Variants in LRRC37A2 observed in about 807,000 individuals in gnomAD.
The protein encoded by LRRC37A2 is leucine rich repeat containing 37 member A2.
Under a neutral mutation model 68.8 loss-of-function variants are expected in LRRC37A2, and 9 were observed. The ratio of observed to expected loss-of-function variants is 0.13; its 90% CI spans 0.08 to 0.23. The LOEUF (loss-of-function observed/expected upper bound fraction) is 0.23. LRRC37A2 is among the 10% of genes least tolerant of loss of function. The probability of loss-of-function intolerance (pLI) is 1.00; values close to 1 mark genes in which losing one functional copy is unlikely to be tolerated. For missense variants in LRRC37A2, 168 were observed against 950.4 expected, an observed-to-expected ratio of 0.18 and a Z score of 10.82; for synonymous variants, 63 against 367.6, an observed-to-expected ratio of 0.17 and a Z score of 9.48.
At chr17:46,944,702 C>T in the LRRC37A2 span, among the ~76,000 whole-genome samples, 3 of 151,596 alleles carry the variant, frequency 2.0e-5, no homozygotes, top group Non-Finnish European at 4.4e-5. Flanking sequence ...TGGGTTCAAG[C>T]GATTCTCCTG....
chr17:46,905,778 GTT>G, the LRRC37A2 span, among the ~76,000 whole-genome samples: 3 of 119,410 alleles, frequency 2.5e-5, no homozygotes, highest in Non-Finnish European at 3.7e-5. Context: ...TACTCTGTGT[GTT>G]TGTGTGTGTG....
chr17:46,758,435 G>A, the LRRC37A2 span, among the ~76,000 whole-genome samples: 1 of 152,244 alleles, frequency 6.6e-6, no homozygotes. Context: ...GAGCGTATGA[G>A]ATTACAGAAC....
the LRRC37A2 span, among the ~76,000 whole-genome samples, chr17:46,799,694 C>T: frequency 6.6e-6 from 1 of 152,280 alleles, no homozygotes; most frequent in African/African-American, 2.4e-5. Flanking sequence ...ATGATCTGTC[C>T]GCCTTGGCCT....
the LRRC37A2 span, among the ~76,000 whole-genome samples, chr17:46,959,702 T>C: frequency 6.6e-6 from 1 of 152,200 alleles, no homozygotes; most frequent in Non-Finnish European, 1.5e-5. Context: ...AGGACATTTC[T>C]TGAGCATTTT....
At chr17:47,032,946 G>A in the LRRC37A2 span, among the ~76,000 whole-genome samples, 1 of 152,144 alleles carries the variant, frequency 6.6e-6, no homozygotes, top group Non-Finnish European at 1.5e-5. Flanking sequence ...AGCTGGGCAT[G>A]GTGGCTCATG....
the LRRC37A2 span, among the ~76,000 whole-genome samples, chr17:46,727,302 A>G: frequency 7.9e-5 from 12 of 152,372 alleles, no homozygotes; most frequent in African/African-American, 2.9e-4. Context: ...AGGAAGGGCC[A>G]GAAAGTTGTT....
the LRRC37A2 span, among the ~76,000 whole-genome samples, chr17:47,011,881 C>A: frequency 6.6e-6 from 1 of 152,196 alleles, no homozygotes; most frequent in African/African-American, 2.4e-5. Context: ...TGGGGGCACA[C>A]ACTCTCTCTC....
At chr17:46,922,441 C>T in the LRRC37A2 span, among the ~76,000 whole-genome samples, 1 of 151,890 alleles carries the variant, frequency 6.6e-6, no homozygotes, top group Non-Finnish European at 1.5e-5. Flanking sequence ...ATGTAACAAC[C>T]CTGCACGTTG....
chr17:46,998,873 C>T, the LRRC37A2 span: 1 of 152,130 alleles, frequency 6.6e-6, no homozygotes, highest in Admixed American at 6.6e-5. Context: ...CCCCTCAATT[C>T]CTTGTTGCTG....
the LRRC37A2 span, among the ~76,000 whole-genome samples, chr17:46,736,046 T>C: frequency 1.3e-5 from 2 of 152,178 alleles, no homozygotes; most frequent in Non-Finnish European, 2.9e-5. Context: ...GAAGTTTCCA[T>C]AGGAAGTGAG....
chr17:46,512,112 C>CT (rs2050980306), intron 1 of LRRC37A2, among the ~76,000 whole-genome samples: 1 of 78,844 alleles, frequency 1.3e-5, no homozygotes. Flanking sequence ...AAGGGCTCTT[C>CT]ACTCGGATTA....
the LRRC37A2 span, chr17:46,713,941 A>C: frequency 6.2e-7 from 1 of 1,607,986 alleles, no homozygotes; most frequent in Non-Finnish European, 8.5e-7. Flanking sequence ...CTCCTGATAA[A>C]ATGATTGGCT....
At chr17:46,910,289 G>C in the LRRC37A2 span, 3 of 152,180 alleles carry the variant, frequency 2.0e-5, no homozygotes, top group Non-Finnish European at 4.4e-5. Flanking sequence ...GCATGCTCAG[G>C]GCAAGTCCTG....
the LRRC37A2 span, among the ~76,000 whole-genome samples, chr17:46,989,964 ATAAT>A: frequency 6.6e-6 from 1 of 152,272 alleles, no homozygotes. Flanking sequence ...ATCATGAGAA[ATAAT>A]TAAATGGTTA....
the LRRC37A2 span, chr17:46,773,630 A>AAC: frequency 3.4e-5 from 5 of 149,010 alleles, no homozygotes; most frequent in South Asian, 7.6e-5. Flanking sequence ...CCCTCCCCCC[A>AAC]CCCAGCCCCT....
At chr17:46,974,666 A>G in the LRRC37A2 span, among the ~76,000 whole-genome samples, 67 of 152,022 alleles carry the variant, frequency 4.4e-4, no homozygotes, top group East Asian at 8.5e-3. Flanking sequence ...CCCGGGAGGC[A>G]GAGCTTGCAG....
chr17:46,768,037 C>T, the LRRC37A2 span, among the ~76,000 whole-genome samples: 1 of 152,242 alleles, frequency 6.6e-6, no homozygotes, highest in African/African-American at 2.4e-5. The surrounding 1 kb of genome is among the most constrained non-coding windows in gnomAD (Gnocchi z 5.0). Flanking sequence ...ATCCGTCCAC[C>T]TCGGCCTCCC....
chr17:46,861,675 C>T, the LRRC37A2 span, among the ~76,000 whole-genome samples: 1 of 152,290 alleles, frequency 6.6e-6, no homozygotes, highest in Non-Finnish European at 1.5e-5. Context: ...TACACCCAAG[C>T]CCCTCATTGG....
At chr17:46,935,554 C>T in the LRRC37A2 span, 6 of 1,215,120 alleles carry the variant, frequency 4.9e-6, no homozygotes, top group Non-Finnish European at 6.2e-6. Context: ...GTGGCTTTCC[C>T]TTAGGACCCC....
Sources: gnomAD v4.1 joint callset for allele counts (sites outside exome capture counted in the v4.1 genomes callset) on GRCh38, gnomAD v4.1.1 for gene constraint, Gnocchi (gnomAD v3.1) non-coding constraint, MANE v1.5 for transcripts, NCBI Gene and HGNC (gene_info 2026-07-23, HGNC 2026-07-21) for gene names.